The following DYNC1H1 variants were observed in gnomAD, a reference collection of about 807,000 sequenced individuals.
The protein encoded by DYNC1H1 is dynein cytoplasmic 1 heavy chain 1, also known as cytoplasmic dynein 1 heavy chain 1.
In DYNC1H1, 51 loss-of-function variants were observed where a neutral mutation model predicts 527.1. The ratio of observed to expected loss-of-function variants is 0.10; its 90% confidence interval spans 0.08 to 0.12. The LOEUF is 0.12. DYNC1H1 is among the 10% of genes least tolerant of loss of function. The pLI is 1.00. For missense variants in DYNC1H1, 2,771 were observed against 5,971.8 expected (o/e 0.46, Z 17.66); for synonymous variants, 2,189 against 2,278.8 (o/e 0.96, Z 1.12).
chr14:101,991,794 T>A (rs1170331053), intron 11 of DYNC1H1, 121 bp downstream of exon 11: 1 of 1,429,794 alleles, frequency 7.0e-7, no homozygotes, highest in Non-Finnish European at 9.7e-7. Context: ...ACTCCAGACA[T>A]CCCAGGGGAA....
intron 74 of DYNC1H1, chr14:102,048,871 C>A: frequency 2.8e-6 from 2 of 703,544 alleles, no homozygotes; most frequent in Non-Finnish European, 4.6e-6. Context: ...TTCTTCTGTG[C>A]TGGTTCACTG....
chr14:101,988,753 G>A lies in DYNC1H1; in HGVS notation c.2769G>A (p.Thr923=), dbSNP rs766285625. 1.7e-5 allele frequency: 28 copies of A among 1,614,080 alleles called. No individual in the cohort carries two copies. The highest frequency in any genetic ancestry group is 6.6e-5 in the South Asian group (6 of 91,090). Reference sequence around the variant, plus strand: ...TGCAAGCTGGCCTGAGAGCTTGGACGCAGGTTCTTCTTGGACAAGCTGAAG... The same window carrying A: ...TGCAAGCTGGCCTGAGAGCTTGGACACAGGTTCTTCTTGGACAAGCTGAAG... The part of the protein sequence containing the change: ...VRLQAGLRAW[T]QVLLGQAEDK... The change falls in exon 10 of 78, where the codon ACG becomes ACA. Residue 923 remains threonine (T), a synonymous_variant. Coordinates refer to ENST00000360184, the MANE Select transcript of DYNC1H1 (RefSeq NM_001376.5).
At chr14:101,994,458 A>G in intron 12 of DYNC1H1, 134 bp downstream of exon 12, 2 of 1,424,352 alleles carry the variant, frequency 1.4e-6, no homozygotes, top group African/African-American at 1.4e-5. Context: ...TGCTGTTTCA[A>G]AGCAGAGAGT....
At chr14:102,048,384 A>G (rs767869208) in intron 73 of DYNC1H1, 132 bp from the exon 74 acceptor site, 5 of 1,274,440 alleles carry the variant, frequency 3.9e-6, no homozygotes, top group African/African-American at 1.5e-5. Flanking sequence ...ACGCTCTGCC[A>G]AAGCTGTCCG....
chr14:102,030,057 A>AGAGTGTGTGTGT lies in DYNC1H1; in HGVS notation c.9763-104_9763-103insAGTGTGTGTGTG, dbSNP rs1034525764. On this transcript the variant is annotated intron_variant, in intron 50 of 77. Transcript: ENST00000360184. ...TAGAGAGAGGGAGGGAGGGAGAGAG[A>AGAGTGTGTGTGT]GTGTGTGTGTGTGTGTGTGTTGGCA... 9.1e-5 allele frequency: 138 copies of AGAGTGTGTGTGT among 1,520,572 alleles called. No individual in the cohort carries two copies. The African/African-American group carries it at 1.3e-3, about 14-fold the overall frequency. 94.2% of individuals were successfully genotyped at this position (1,520,572 alleles called of 1,614,324 possible).
rs71116867 is a variant in DYNC1H1, at chr14:101,968,284, GGTTTT to G, written c.256+3357_256+3361del. Among the ~76,000 whole-genome samples, 848 of 151,692 alleles carry G rather than the reference GGTTTT, an allele frequency of 5.6e-3. 16 individuals carry two copies. The highest frequency in any genetic ancestry group is 0.037 in the East Asian group (191 of 5,134). On this transcript the variant is annotated intron_variant, in intron 1 of 77. Transcript: ENST00000360184. ...TTTTGTTTGTTTTTGGTGGGGAAAG[GGTTTT>G]GTTTTGTTTTGTTTTGTTTGAGACA...
rs143302734 is a variant in DYNC1H1 at position 101,986,800 on chromosome 14, G to A, written c.2538+37G>A. On this transcript the variant is annotated intron_variant, in intron 8 of 77. Transcript: ENST00000360184. This position sits in a 1 kb window ranked among gnomAD's most constrained non-coding sequence, Gnocchi z 8.7. The stretch of plus-strand genomic sequence containing the variant: ...TGTAATCCTCAGGTGTCCTGGTAAC[G>A]AATGAAGCACAGTAATAGCGAGCTC... The A allele has an allele frequency of 5.9e-5, 95 of 1,610,208 alleles. 4 individuals are homozygous for A. The Middle Eastern group carries it at 8.3e-4, about 14-fold the overall frequency.
At position 101,979,293 on chromosome 14, in the gene DYNC1H1, A is replaced by C; in HGVS notation, c.345-26A>C. On this transcript the variant is annotated intron_variant, in intron 2 of 77. Transcript: ENST00000360184. The surrounding 1 kb of genome is among the most constrained non-coding windows in gnomAD (Gnocchi z 4.6). ...CCTAATTAGGAGTGTAACTTTTCTAATTTCTTGTTTTATTTTTCTTTTTAG... is the reference window on the plus strand; with the variant it reads ...CCTAATTAGGAGTGTAACTTTTCTACTTTCTTGTTTTATTTTTCTTTTTAG... 6.2e-7 allele frequency: 1 copy of C among 1,612,470 alleles called. No individual in the cohort carries two copies. The highest frequency in any genetic ancestry group is 8.5e-7 in the Non-Finnish European group (1 of 1,178,694).
In DYNC1H1 at chr14:101,979,391, A is replaced by G. The variant is rs746569922; in HGVS notation, c.417A>G (p.Thr139=). 2.5e-6 allele frequency: 4 copies of G among 1,614,134 alleles called. No individual in the cohort carries two copies. Among genetic ancestry groups the G allele is most frequent in the South Asian group, 1.1e-5 (1 of 91,084 alleles). The change falls in exon 3 of 78, where the codon ACA becomes ACG. Residue 139 remains threonine, a synonymous_variant. Coordinates refer to ENST00000360184, the MANE Select transcript of DYNC1H1 (RefSeq NM_001376.5). This position sits in a 1 kb window ranked among gnomAD's most constrained non-coding sequence, Gnocchi z 4.6. Reference sequence around the variant, plus strand: ...TGTCTTCTCAGCTCCGGGTCCTTACACTCAGTGAAGACTCGCCCTACGAAA... The same window carrying G: ...TGTCTTCTCAGCTCCGGGTCCTTACGCTCAGTGAAGACTCGCCCTACGAAA... The part of the protein sequence containing the change: ...KPVSSQLRVL[T]LSEDSPYETL...
At position 102,017,020 on chromosome 14, in the gene DYNC1H1, G is replaced by A. The variant is rs2048331225; in HGVS notation, c.7848+21G>A. ...TGGAGGTAAAGAGGCCAGGAGGTGG[G>A]CAGCAGACCTTTTGGTGCTGAGCAT... On this transcript the variant is annotated intron_variant, in intron 38 of 77. Transcript: ENST00000360184. This position sits in a 1 kb window ranked among gnomAD's most constrained non-coding sequence, Gnocchi z 4.6. 1 of 1,614,112 alleles carries A rather than the reference G, an allele frequency of 6.2e-7. No individual in the cohort carries two copies. Among genetic ancestry groups the A allele is most frequent in the Non-Finnish European group, 8.5e-7 (1 of 1,180,032 alleles).
intron 16 of DYNC1H1, among the ~76,000 whole-genome samples, chr14:101,999,674 C>G (rs527655564): frequency 6.6e-6 from 1 of 152,206 alleles, no homozygotes; most frequent in Non-Finnish European, 1.5e-5. Context: ...TCTTCTATCA[C>G]TGGGGATGTG....
intron 72 of DYNC1H1, among the ~76,000 whole-genome samples, chr14:102,046,037 G>A (rs1367776103): frequency 1.3e-5 from 2 of 151,940 alleles, no homozygotes; most frequent in African/African-American, 2.4e-5. Flanking sequence ...GTGTGGTGGC[G>A]GGCACCTGTA....
At chr14:101,976,024 C>T (rs1032216207) in intron 2 of DYNC1H1, among the ~76,000 whole-genome samples, 1 of 151,484 alleles carries the variant, frequency 6.6e-6, no homozygotes, top group African/African-American at 2.4e-5. Context: ...TCTCCTGCCT[C>T]AGCCTTCCAG....
At chr14:102,048,476 C>T (rs760972341) in intron 73 of DYNC1H1, 40 bp from the exon 74 acceptor site, 98 of 1,613,562 alleles carry the variant, frequency 6.1e-5, no homozygotes, top group Non-Finnish European at 6.5e-5. Flanking sequence ...GGAGAAAGGA[C>T]CTCTTCCTAA....
intron 23 of DYNC1H1, among the ~76,000 whole-genome samples, chr14:102,003,831 C>T (rs2048161207): frequency 6.6e-6 from 1 of 152,104 alleles, no homozygotes; most frequent in African/African-American, 2.4e-5. Context: ...GAGGCTGTGG[C>T]TAGAGAATCT....
rs777423061 is a variant in DYNC1H1, at chr14:102,029,549, G to A, written c.9479G>A (p.Arg3160Gln). The change falls in exon 49 of 78, where the codon CGG becomes CAG. Residue 3160 changes from arginine (R) to glutamine (Q), a missense_variant. Arg to Gln is a conservative substitution (Grantham distance 43). Around this residue, in one of 32 missense-constraint regions of DYNC1H1, gnomAD observed 67 missense variants for 128.2 expected, o/e 0.52. Coordinates refer to ENST00000360184, the MANE Select transcript of DYNC1H1 (RefSeq NM_001376.5). This position sits in a 1 kb window ranked among gnomAD's most constrained non-coding sequence, Gnocchi z 5.3. The part of the protein sequence containing the change: ...VHQTLHQANA[R>Q]LAKRGGRTMA... ...ACTATTTTCTGAAAGGCGAATGCTC[G>A]GCTAGCAAAGCGAGGCGGCAGAACG... 4.3e-6 allele frequency: 7 copies of A among 1,614,016 alleles called. No homozygotes were observed. Among genetic ancestry groups the A allele is most frequent in the Non-Finnish European group, 5.1e-6 (6 of 1,180,036 alleles).
chr14:102,029,738 C>T lies in DYNC1H1; in HGVS notation c.9642+26C>T, dbSNP rs776686671. On this transcript the variant is annotated intron_variant, in intron 49 of 77. Transcript: ENST00000360184. This position sits in a 1 kb window ranked among gnomAD's most constrained non-coding sequence, Gnocchi z 5.3. ...GTGCGTCACAGGCACAAATTCCTCA[C>T]GGGAGTGAGCTGCAGTGAGGACCCC... 9.9e-6 allele frequency: 16 copies of T among 1,614,066 alleles called. No homozygotes were observed. The East Asian group carries it at 1.1e-4, about 11-fold the overall frequency.
rs2048124089 is a variant in DYNC1H1, at chr14:102,000,938, A to T, written c.4075-16A>T. 1 of 1,604,404 alleles carries T rather than the reference A, an allele frequency of 6.2e-7. No homozygotes were observed. Among genetic ancestry groups the T allele is most frequent in the African/African-American group, 1.3e-5 (1 of 74,724 alleles). On this transcript the variant is annotated splice_polypyrimidine_tract_variant and intron_variant, in intron 18 of 77. Transcript: ENST00000360184. ...ATGTTGGCAAGCTAAATAGCATCTTATGTTTCTCTCGACAGCTTCGACAAA... is the reference window on the plus strand; with the variant it reads ...ATGTTGGCAAGCTAAATAGCATCTTTTGTTTCTCTCGACAGCTTCGACAAA...
In DYNC1H1 at chr14:102,018,203, G is replaced by A. The variant is rs1300306886; in HGVS notation, c.8178-248G>A. On this transcript the variant is annotated intron_variant, in intron 40 of 77. Transcript: ENST00000360184. This position sits in a 1 kb window ranked among gnomAD's most constrained non-coding sequence, Gnocchi z 5.2. Reference sequence around the variant, plus strand: ...TCATCTGTAGAGCCAAGATGAGCCTGAAATAAGCCTTGGTTATTTTTTCAT... The same window carrying A: ...TCATCTGTAGAGCCAAGATGAGCCTAAAATAAGCCTTGGTTATTTTTTCAT... 6.6e-6 allele frequency among the ~76,000 whole-genome samples: 1 copy of A among 152,258 alleles called. No homozygotes were observed. The highest frequency in any genetic ancestry group is 6.5e-5 in the Admixed American group (1 of 15,280).
Sources: allele counts gnomAD v4.1 joint callset (sites outside exome capture counted in the v4.1 genomes callset), GRCh38; gene constraint gnomAD v4.1.1; regional missense constraint gnomAD v4.1.1; non-coding constraint Gnocchi (gnomAD v3.1); transcripts MANE v1.5; gene names NCBI Gene and HGNC (gene_info 2026-07-23, HGNC 2026-07-21).